The following SYT17 variants were observed in gnomAD, a reference collection of about 807,000 sequenced individuals.
SYT17 encodes synaptotagmin 17.
A neutral mutation model predicts 46.7 loss-of-function variants in SYT17; 22 were observed. That is an observed-to-expected ratio of 0.47 (90% CI 0.34 to 0.67). SYT17 has a LOEUF of 0.67. Among genes scored for constraint, SYT17 ranks in the 30% least tolerant of loss-of-function variants. The pLI is 0.01. For missense variants in SYT17, 519 were observed against 612.8 expected (o/e 0.85, Z 1.62); for synonymous variants, 251 against 248.4 (o/e 1.01, Z -0.10).
chr16:19,260,705 T>C (rs1968916232), intron 7 of SYT17, among the ~76,000 whole-genome samples: 1 of 152,078 alleles, frequency 6.6e-6, no homozygotes. Flanking sequence ...TAGAATTGTA[T>C]TTTTGGCTTA....
intron 5 of SYT17, among the ~76,000 whole-genome samples, chr16:19,215,403 A>G (rs1230929993): frequency 6.6e-6 from 1 of 152,204 alleles, no homozygotes; most frequent in Non-Finnish European, 1.5e-5. Context: ...CATCCAAATT[A>G]TTAACCATCT....
chr16:19,195,312 G>A (rs1404422855), intron 5 of SYT17, among the ~76,000 whole-genome samples: 1 of 151,988 alleles, frequency 6.6e-6, no homozygotes, highest in Non-Finnish European at 1.5e-5. Flanking sequence ...TGCAGAGGCT[G>A]TACTCTCAGC....
At chr16:19,219,579 T>C (rs1222409398) in intron 5 of SYT17, among the ~76,000 whole-genome samples, 1 of 152,184 alleles carries the variant, frequency 6.6e-6, no homozygotes. Context: ...CGGAACTTAC[T>C]GTTTGTTGAT....
chr16:19,179,750 C>T (rs1229690908), intron 3 of SYT17, among the ~76,000 whole-genome samples: 2 of 152,186 alleles, frequency 1.3e-5, no homozygotes, highest in East Asian at 1.9e-4. Flanking sequence ...TATCGTCTTC[C>T]TTCTCCATCC....
intron 5 of SYT17, among the ~76,000 whole-genome samples, chr16:19,210,675 C>A (rs1268860606): frequency 2.0e-5 from 3 of 152,120 alleles, no homozygotes; most frequent in Non-Finnish European, 4.4e-5. Context: ...AAAGCACTGG[C>A]ATTGCGGTTG....
chr16:19,197,475 G>A (rs969477486), intron 5 of SYT17, among the ~76,000 whole-genome samples: 1 of 151,396 alleles, frequency 6.6e-6, no homozygotes, highest in Non-Finnish European at 1.5e-5. Context: ...TTGAGACAGG[G>A]TCTCACTCTG....
chr16:19,255,747 G>T (rs181766951), intron 7 of SYT17, among the ~76,000 whole-genome samples: 1 of 152,184 alleles, frequency 6.6e-6, no homozygotes, highest in Admixed American at 6.5e-5. Flanking sequence ...ATCATGCCAC[G>T]CCACTGCACT....
chr16:19,265,956 CTT>C (rs1277697404), intron 7 of SYT17, among the ~76,000 whole-genome samples: 1 of 152,180 alleles, frequency 6.6e-6, no homozygotes, highest in African/African-American at 2.4e-5. Flanking sequence ...CATGAAGTCT[CTT>C]TTATAAAAGG....
chr16:19,208,036 A>G (rs1429189075), intron 5 of SYT17, among the ~76,000 whole-genome samples: 2 of 152,250 alleles, frequency 1.3e-5, no homozygotes, highest in African/African-American at 4.8e-5. Flanking sequence ...GATCTTTATG[A>G]GCTTAGTATA....
At chr16:19,193,580 G>T (rs1438849411) in intron 5 of SYT17, among the ~76,000 whole-genome samples, 1 of 152,190 alleles carries the variant, frequency 6.6e-6, no homozygotes, top group African/African-American at 2.4e-5. Context: ...AGTGTCTGCT[G>T]ACACCTGGGA....
rs147516386 is a variant in SYT17 at position 19,180,435 on chromosome 16, C to T, written c.227C>T (p.Thr76Met). 36 of 1,614,212 alleles carry T rather than the reference C, an allele frequency of 2.2e-5. No individual in the cohort carries two copies. The highest frequency in any genetic ancestry group is 2.2e-5 in the East Asian group (1 of 44,890). Residue 76 changes from threonine (T) to methionine (M), a missense_variant, in exon 4 of 8, where the codon ACG (threonine) becomes ATG (methionine). By Grantham distance (81) the Thr-to-Met change is moderately conservative. Coordinates refer to ENST00000355377, the MANE Select transcript of SYT17 (RefSeq NM_016524.4). Reference sequence around the variant, plus strand: ...GACAAGGATGGTGACTCTGTCCACACGGCCAGCGAAGTCCCGCTGACCCCA... The same window carrying T: ...GACAAGGATGGTGACTCTGTCCACATGGCCAGCGAAGTCCCGCTGACCCCA... ...SSDKDGDSVH[T>M]ASEVPLTPRT...
chr16:19,254,075 G>A (rs767729350), intron 7 of SYT17, among the ~76,000 whole-genome samples: 5 of 152,104 alleles, frequency 3.3e-5, no homozygotes, highest in Admixed American at 6.6e-5. Context: ...GGTGACTTAC[G>A]TAATGGAGAA....
intron 1 of SYT17, chr16:19,172,373 T>G: frequency 7.2e-7 from 1 of 1,396,800 alleles, no homozygotes; most frequent in South Asian, 1.8e-5. Context: ...TCATGTCCTT[T>G]TGGGTTGGCT....
chr16:19,191,051 T>C (rs138796645), intron 5 of SYT17, among the ~76,000 whole-genome samples: 91 of 152,056 alleles, frequency 6.0e-4, no homozygotes, highest in Middle Eastern at 3.4e-3. Flanking sequence ...AGTGGAGAGA[T>C]TAGATGCCCC....
intron 7 of SYT17, among the ~76,000 whole-genome samples, chr16:19,245,412 A>G (rs1384603794): frequency 6.6e-6 from 1 of 152,134 alleles, no homozygotes; most frequent in East Asian, 1.9e-4. Flanking sequence ...AGCTAGAATG[A>G]TGGGATTCTG....
rs72779567 is a variant in SYT17 at position 19,223,170 on chromosome 16, C to G, written c.1072+5C>G. On this transcript the variant is annotated splice_donor_5th_base_variant and intron_variant, in intron 6 of 7. Transcript: ENST00000355377. ...CAGATGTGAGCCAAGGTTCAGGTAC[C>G]GTGTGATTCCCCTCTTCTCTCACTT... 1 of 1,612,854 alleles carries G rather than the reference C, an allele frequency of 6.2e-7. No individual in the cohort carries two copies. Among genetic ancestry groups the G allele is most frequent in the Non-Finnish European group, 8.5e-7 (1 of 1,179,090 alleles).
chr16:19,184,063 C>T lies in SYT17; in HGVS notation c.867C>T (p.Val289=). 6.2e-7 allele frequency: 1 copy of T among 1,614,190 alleles called. No homozygotes were observed. The highest frequency in any genetic ancestry group is 8.5e-7 in the Non-Finnish European group (1 of 1,180,038). ...TTGATAAGTTCTCCCGCCACTGTGTCATTGGGAAAGTTTCTGTGCCTTTGT... is the reference window on the plus strand; with the variant it reads ...TTGATAAGTTCTCCCGCCACTGTGTTATTGGGAAAGTTTCTGTGCCTTTGT... ...VDFDKFSRHC[V]IGKVSVPLCE... The change falls in exon 5 of 8, where the codon GTC becomes GTT. Residue 289 remains valine (V), a synonymous_variant. Coordinates refer to ENST00000355377, the MANE Select transcript of SYT17 (RefSeq NM_016524.4).
At chr16:19,227,639 C>T (rs966252803) in intron 7 of SYT17, among the ~76,000 whole-genome samples, 9 of 152,274 alleles carry the variant, frequency 5.9e-5, no homozygotes, top group African/African-American at 1.7e-4. Context: ...TTAATGCCTT[C>T]CCCTTTCCAG....
intron 5 of SYT17, among the ~76,000 whole-genome samples, chr16:19,214,256 G>A (rs960055015): frequency 2.6e-5 from 4 of 152,184 alleles, no homozygotes; most frequent in African/African-American, 7.2e-5. Context: ...GGCAAGTTGA[G>A]GAGCTGCTGG....
Sources: allele counts gnomAD v4.1 joint callset (sites outside exome capture counted in the v4.1 genomes callset), GRCh38; gene constraint gnomAD v4.1.1; transcripts MANE v1.5; gene names NCBI Gene and HGNC (gene_info 2026-07-23, HGNC 2026-07-21).